RAB44: variants seen among roughly 807,000 people sequenced by gnomAD.
RAB44 encodes ras-related protein Rab-44.
Under a neutral mutation model 93.3 loss-of-function variants are expected in RAB44, and 67 were observed. The observed-to-expected ratio is 0.72, with a 90% confidence interval of 0.59 to 0.88. RAB44 has a LOEUF of 0.88. RAB44 is among the 40% of genes least tolerant of loss of function. The pLI is 0.00. For missense variants in RAB44, 1,064 were observed against 1,261.7 expected (o/e 0.84, Z 2.37); for synonymous variants, 427 against 520.3 (o/e 0.82, Z 2.44).
rs1176465637 is a variant in RAB44, at chr6:36,722,187, G to A, written c.2053G>A (p.Gly685Ser). 8.1e-7 allele frequency: 1 copy of A among 1,237,490 alleles called. No individual in the cohort carries two copies. The highest frequency in any genetic ancestry group is 4.0e-5 in the South Asian group (1 of 24,754). The allele number at this position is 1,237,490 out of a possible 1,614,324, so 76.7% of individuals were successfully genotyped here. ...TGAGGAAGGAAAACAAGAGGGCAGA[G>A]GTGGGCAGGACCTCAGTTCAGAGCA... The part of the protein sequence containing the change: ...RSEEGKQEGR[G>S]GQDLSSEQSE... The change falls in exon 9 of 14, where the codon GGT becomes AGT. Residue 685 changes from glycine (G) to serine (S), a missense_variant. Physicochemically the swap from Gly to Ser is moderately conservative, Grantham distance 56. Transcript: ENST00000612677.
rs190092077 is a variant in RAB44 at position 36,725,075 on chromosome 6, C to G, written c.2600-787C>G. On this transcript the variant is annotated intron_variant, in intron 9 of 13. Transcript: ENST00000612677. The stretch of plus-strand genomic sequence containing the variant: ...CAGTTTCTTGCCCTAGCTGGGCCCC[C>G]AAAGTTAAGGCCACCTACCTTAAAA... Among the ~76,000 whole-genome samples the G allele has an allele frequency of 1.9e-4, 29 of 152,344 alleles. No homozygotes were observed. The East Asian group carries it at 5.0e-3, about 26-fold the overall frequency.
intron 3 of RAB44, 59 bp from the exon 4 acceptor site, chr6:36,715,420 A>C (rs1280411937): frequency 1.3e-6 from 2 of 1,488,280 alleles, no homozygotes; most frequent in Non-Finnish European, 1.8e-6. Context: ...GCTGGGTGGG[A>C]GGCCAGGCGT....
chr6:36,716,350 A>G (rs1182214311), intron 4 of RAB44, among the ~76,000 whole-genome samples: 2 of 151,956 alleles, frequency 1.3e-5, no homozygotes, highest in Non-Finnish European at 2.9e-5. Context: ...CATGCCTGTA[A>G]TCCCAGCTAC....
Position 36,723,813 on chromosome 6 carries a change from C to T in RAB44, c.2599+1080C>T, listed in dbSNP as rs907218611. On this transcript the variant is annotated intron_variant, in intron 9 of 13. Coordinates refer to ENST00000612677, the MANE Select transcript of RAB44 (RefSeq NM_001257357.2). Reference sequence around the variant, plus strand: ...TCGCACCACTGCACTCCAGCCTGGGCGACAGAGCAAGATTCCGTCTCCCAA... The same window carrying T: ...TCGCACCACTGCACTCCAGCCTGGGTGACAGAGCAAGATTCCGTCTCCCAA... Among the ~76,000 whole-genome samples the T allele has an allele frequency of 1.1e-4, 13 of 123,000 alleles. No individual in the cohort carries two copies. The South Asian group carries it at 1.9e-3, about 18-fold the overall frequency. 80.7% of individuals were successfully genotyped at this position (123,000 alleles called of 152,430 possible). A position where few individuals can be genotyped will look rare whatever the true frequency, so the allele number is the denominator to read the frequency against.
intron 3 of RAB44, among the ~76,000 whole-genome samples, chr6:36,714,624 T>C (rs1432786251): frequency 6.6e-6 from 1 of 152,140 alleles, no homozygotes; most frequent in Non-Finnish European, 1.5e-5. Flanking sequence ...GTTCTGGCAA[T>C]GGAGAAGCTG....
At chr6:36,730,601 G>A in intron 12 of RAB44, 72 bp from the exon 13 acceptor site, 4 of 973,316 alleles carry the variant, frequency 4.1e-6, no homozygotes, top group Non-Finnish European at 5.3e-6. Flanking sequence ...CGGGACTTTA[G>A]TGGCGGGGTA....
At position 36,718,053 on chromosome 6, in the gene RAB44, G is replaced by A. The variant is rs1762968944; in HGVS notation, c.667G>A (p.Val223Ile). The A allele has an allele frequency of 8.1e-7, 1 of 1,232,190 alleles. No individual in the cohort carries two copies. The allele number at this position is 1,232,190 out of a possible 1,614,324, so 76.3% of individuals were successfully genotyped here. The stretch of plus-strand genomic sequence containing the variant: ...GCGTGACTCTGACCACCACCGCGAG[G>A]TCCAGCAGCTCTATGAGGAGATGGA... ...RKRDSDHHREVQQLYEEMEQQ... is the reference protein window; with the variant it reads ...RKRDSDHHREIQQLYEEMEQQ... The change falls in exon 6 of 14, where the codon GTC becomes ATC. Residue 223 changes from valine to isoleucine, a missense_variant. By Grantham distance (29) the Val-to-Ile change is conservative. Transcript: ENST00000612677.
At chr6:36,714,301 G>T (rs1485233042) in intron 3 of RAB44, among the ~76,000 whole-genome samples, 5 of 152,126 alleles carry the variant, frequency 3.3e-5, no homozygotes, top group East Asian at 1.9e-4. Flanking sequence ...GGCTTTCCAG[G>T]TGCTGAGCCC....
intron 11 of RAB44, 81 bp from the exon 12 acceptor site, chr6:36,728,619 C>T: frequency 9.0e-7 from 1 of 1,117,264 alleles, no homozygotes; most frequent in Non-Finnish European, 1.3e-6. Flanking sequence ...GCGGGGGACA[C>T]AGTTCAGCTT....
intron 2 of RAB44, among the ~76,000 whole-genome samples, chr6:36,704,882 G>A (rs1315549553): frequency 6.6e-6 from 1 of 152,168 alleles, no homozygotes; most frequent in Admixed American, 6.5e-5. Flanking sequence ...CACTTTGGGA[G>A]GCCGAGGCGG....
intron 9 of RAB44, among the ~76,000 whole-genome samples, 157 bp downstream of exon 9, chr6:36,722,890 C>T (rs2150338808): frequency 6.6e-6 from 1 of 152,376 alleles, no homozygotes; most frequent in Non-Finnish European, 1.5e-5. Flanking sequence ...TGGGCATAAC[C>T]TTACTATTTC....
In RAB44 at chr6:36,722,210, GCAGT is replaced by G. The variant is rs2150338117; in HGVS notation, c.2080_2083del (p.Glu695SerfsTer8). The G allele has an allele frequency of 1.6e-6, 2 of 1,247,988 alleles. No individual in the cohort carries two copies. The highest frequency in any genetic ancestry group is 7.6e-5 in the South Asian group (2 of 26,164). 77.3% of individuals were successfully genotyped at this position (1,247,988 alleles called of 1,614,324 possible). ...GAGGTGGGCAGGACCTCAGTTCAGA[GCAGT>G]CAGAGCAGTCGGTTGAGGCTCACGG... On this transcript the variant is annotated frameshift_variant, in exon 9 of 14. Coordinates refer to ENST00000612677, the MANE Select transcript of RAB44 (RefSeq NM_001257357.2). LOFTEE classifies it high-confidence loss of function.
chr6:36,718,449 T>C (rs1181382894), intron 6 of RAB44, 44 bp from the exon 7 acceptor site: 5 of 1,054,252 alleles, frequency 4.7e-6, no homozygotes, highest in Non-Finnish European at 6.1e-6. Context: ...CCTGGCTAGC[T>C]CTTAGAGTCT....
rs1433116832 is a variant in RAB44 at position 36,721,497 on chromosome 6, A to T, written c.1363A>T (p.Ile455Phe). ...NKGVDPHEQD[I>F]RAEQPVEPHD... ...AGGAGTGGACCCACATGAGCAGGAC[A>T]TTAGAGCAGAGCAGCCTGTTGAACC... is the stretch of plus-strand genomic sequence containing the variant. The change falls in exon 9 of 14, where the codon ATT becomes TTT. Residue 455 changes from isoleucine to phenylalanine, a missense_variant. Transcript: ENST00000612677. The T allele has an allele frequency of 1.6e-6, 2 of 1,234,422 alleles. No individual in the cohort carries two copies. Among genetic ancestry groups the T allele is most frequent in the African/African-American group, 1.6e-5 (1 of 64,480 alleles). The allele number at this position is 1,234,422 out of a possible 1,614,324, so 76.5% of individuals were successfully genotyped here.
chr6:36,715,452 TC>T, intron 3 of RAB44, 26 bp from the exon 4 acceptor site: 1 of 1,534,570 alleles, frequency 6.5e-7, no homozygotes, highest in Non-Finnish European at 8.7e-7. Flanking sequence ...ACCACTGTGC[TC>T]CCCTCTGTCC....
At chr6:36,712,112 G>C (rs1354162367) in intron 2 of RAB44, among the ~76,000 whole-genome samples, 5 of 152,030 alleles carry the variant, frequency 3.3e-5, no homozygotes, top group African/African-American at 1.2e-4. Context: ...AGACCAGCTT[G>C]GCCAACATGG....
At chr6:36,711,462 A>G (rs1438036084) in intron 2 of RAB44, among the ~76,000 whole-genome samples, 2 of 152,234 alleles carry the variant, frequency 1.3e-5, no homozygotes, top group Non-Finnish European at 2.9e-5. Context: ...TATCAAAACA[A>G]TTATTAAACC....
intron 1 of RAB44, among the ~76,000 whole-genome samples, chr6:36,702,376 T>C (rs1298767517): frequency 6.7e-5 from 8 of 118,836 alleles, no homozygotes; most frequent in Admixed American, 6.6e-4. Context: ...CTCCTAAGGA[T>C]GAGAGATTGC....
chr6:36,711,790 C>G (rs1762793925), intron 2 of RAB44, among the ~76,000 whole-genome samples: 1 of 151,874 alleles, frequency 6.6e-6, no homozygotes, highest in African/African-American at 2.4e-5. Flanking sequence ...GTAATCCCAG[C>G]TACTCGGGAG....
Sources: gnomAD v4.1 joint callset for allele counts (sites outside exome capture counted in the v4.1 genomes callset) on GRCh38, gnomAD v4.1.1 for gene constraint, MANE v1.5 for transcripts, NCBI Gene and HGNC (gene_info 2026-07-23, HGNC 2026-07-21) for gene names.